ABLIM2: variants seen among roughly 807,000 people sequenced by gnomAD.
ABLIM2 encodes the protein actin binding LIM protein family member 2.
In ABLIM2, 53 loss-of-function variants were observed where a neutral mutation model predicts 97.7. The ratio of observed to expected loss-of-function variants is 0.54; its 90% CI spans 0.44 to 0.68. The LOEUF (loss-of-function observed/expected upper bound fraction) is 0.68. Among genes scored for constraint, ABLIM2 ranks in the 30% least tolerant of loss-of-function variants. The probability of loss-of-function intolerance (pLI) is 0.00; values close to 1 mark genes in which losing one functional copy is unlikely to be tolerated. For synonymous variants in ABLIM2, 361 were observed against 345.8 expected, an observed-to-expected ratio of 1.04 and a Z score of -0.49; for missense variants, 835 against 867.2, an observed-to-expected ratio of 0.96 and a Z score of 0.47.
chr4:8,117,807 A>G (rs747153783), intron 1 of ABLIM2, among the ~76,000 whole-genome samples: 2 of 152,218 alleles, frequency 1.3e-5, no homozygotes, highest in Non-Finnish European at 2.9e-5. Flanking sequence ...GTCCTGGCCA[A>G]TTCCCATGTG....
rs1413549201 is a variant in ABLIM2 at position 8,113,577 on chromosome 4, T to C, written c.11-6940A>G. Among the ~76,000 whole-genome samples the C allele has an allele frequency of 2.0e-5, 3 of 152,146 alleles. No individual in the cohort carries two copies. On this transcript the variant is annotated intron_variant, in intron 1 of 20. Coordinates refer to ENST00000447017, the MANE Select transcript of ABLIM2 (RefSeq NM_001130083.2). This position sits in a 1 kb window ranked among gnomAD's most constrained non-coding sequence, Gnocchi z 4.5. ...CATTTGCTCTGGAGGTAAATCCACC[T>C]TGAGAATGGGCAGGGGACCCCCTTG...
Position 8,128,628 on chromosome 4 carries a change from C to T in ABLIM2, c.11-21991G>A, listed in dbSNP as rs16841816. ...TTGCCCTGGCTCTAAGGCAGGAAAG[C>T]GATGAAGTCATTGTCTAGCCCAAGG... On this transcript the variant is annotated intron_variant, in intron 1 of 20. Coordinates refer to ENST00000447017, the MANE Select transcript of ABLIM2 (RefSeq NM_001130083.2). This position sits in a 1 kb window ranked among gnomAD's most constrained non-coding sequence, Gnocchi z 4.9. 0.053 allele frequency among the ~76,000 whole-genome samples: 8,006 copies of T among 152,290 alleles called. 676 individuals carry two copies. Among genetic ancestry groups the T allele is most frequent in the African/African-American group, 0.18 (7,441 of 41,536 alleles).
intron 20 of ABLIM2, among the ~76,000 whole-genome samples, chr4:7,972,247 C>A (rs1728726203): frequency 6.6e-6 from 1 of 152,190 alleles, no homozygotes; most frequent in Non-Finnish European, 1.5e-5. Flanking sequence ...GGGCCCTGCC[C>A]CTCCACAGCC....
intron 20 of ABLIM2, among the ~76,000 whole-genome samples, chr4:7,977,790 C>A (rs372891408): frequency 7.0e-6 from 1 of 142,206 alleles, no homozygotes. Flanking sequence ...GACTCTGTCT[C>A]AATAAATAAA....
chr4:8,044,009 C>T lies in ABLIM2; in HGVS notation c.900+1155G>A, dbSNP rs1790489990. ...CCACAGTGCCACTCACTCTCCAGGC[C>T]AGCAGTGCGTCATGGTAACTGAGGA... On this transcript the variant is annotated intron_variant, in intron 9 of 20. Transcript: ENST00000447017. The surrounding 1 kb of genome is among the most constrained non-coding windows in gnomAD (Gnocchi z 4.4). 6.6e-6 allele frequency among the ~76,000 whole-genome samples: 1 copy of T among 152,204 alleles called. No individual in the cohort carries two copies. Among genetic ancestry groups the T allele is most frequent in the Non-Finnish European group, 1.5e-5 (1 of 68,036 alleles).
At chr4:7,993,256 G>A (rs1750418771) in intron 16 of ABLIM2, among the ~76,000 whole-genome samples, 1 of 152,240 alleles carries the variant, frequency 6.6e-6, no homozygotes, top group Non-Finnish European at 1.5e-5. Context: ...TACAGACAGG[G>A]GAGCTGAGCA....
At chr4:8,040,834 G>A (rs114570209) in intron 9 of ABLIM2, among the ~76,000 whole-genome samples, 2,138 of 152,280 alleles carry the variant, frequency 0.014, 46 homozygotes, top group African/African-American at 0.047. Context: ...TGACCATGGT[G>A]CTTGGAGCAC....
At chr4:8,056,112 CAAAAA>C (rs60992903) in intron 7 of ABLIM2, among the ~76,000 whole-genome samples, 3 of 68,362 alleles carry the variant, frequency 4.4e-5, no homozygotes, top group Admixed American at 1.6e-4. Flanking sequence ...GACTCTGTCT[CAAAAA>C]AAAAAAAAAA....
chr4:8,013,368 G>A (rs761658098), intron 14 of ABLIM2, among the ~76,000 whole-genome samples: 1 of 151,864 alleles, frequency 6.6e-6, no homozygotes, highest in African/African-American at 2.4e-5. Flanking sequence ...GATTACAGGT[G>A]ACCACCACCA....
chr4:8,001,629 T>C lies in ABLIM2; in HGVS notation c.1618+6430A>G, dbSNP rs1003794912. 2.0e-5 allele frequency among the ~76,000 whole-genome samples: 3 copies of C among 151,906 alleles called. No individual in the cohort carries two copies. The highest frequency in any genetic ancestry group is 4.8e-5 in the African/African-American group (2 of 41,346). Reference sequence around the variant, plus strand: ...CAGGAGGCCAGGCCTTCCAGAAAGGTCATCACTGTGGCCCCAGCTGGCCAC... The same window carrying C: ...CAGGAGGCCAGGCCTTCCAGAAAGGCCATCACTGTGGCCCCAGCTGGCCAC... On this transcript the variant is annotated intron_variant, in intron 16 of 20. Transcript: ENST00000447017. This position sits in a 1 kb window ranked among gnomAD's most constrained non-coding sequence, Gnocchi z 4.2.
intron 20 of ABLIM2, among the ~76,000 whole-genome samples, chr4:7,973,155 A>C (rs1049995868): frequency 2.0e-4 from 30 of 148,270 alleles, no homozygotes; most frequent in African/African-American, 6.5e-4. Context: ...CAGGAAGAAT[A>C]AAGTGCATGT....
At chr4:8,036,348 G>A (rs1284035742) in intron 9 of ABLIM2, 53 bp from the exon 10 acceptor site, 2 of 1,593,474 alleles carry the variant, frequency 1.3e-6, no homozygotes, top group African/African-American at 1.3e-5. Context: ...GCACCCCAGA[G>A]GGCAGCACCC....
chr4:7,983,476 A>T, intron 19 of ABLIM2, 71 bp downstream of exon 19: 1 of 1,603,178 alleles, frequency 6.2e-7, no homozygotes, highest in South Asian at 1.1e-5. Context: ...GGTAAAGCAC[A>T]ACAGAAAGGA....
intron 3 of ABLIM2, among the ~76,000 whole-genome samples, chr4:8,096,291 G>C (rs147675327): frequency 6.6e-6 from 1 of 152,180 alleles, no homozygotes; most frequent in African/African-American, 2.4e-5. Flanking sequence ...ACTCCAATGC[G>C]ACCAGGGCTG....
At position 8,001,188 on chromosome 4, in the gene ABLIM2, G is replaced by C. The variant is rs1756931571; in HGVS notation, c.1618+6871C>G. ...TGCTGGTTCAGCTGGACTGGGGAGG[G>C]GAGGCAGAGCTTCCGGTGTCGGGGC... On this transcript the variant is annotated intron_variant, in intron 16 of 20. Transcript: ENST00000447017. This position sits in a 1 kb window ranked among gnomAD's most constrained non-coding sequence, Gnocchi z 4.2. Among the ~76,000 whole-genome samples the C allele has an allele frequency of 6.6e-6, 1 of 152,202 alleles. No individual in the cohort carries two copies.
Position 8,071,827 on chromosome 4 carries a change from C to T in ABLIM2, c.675+5801G>A, listed in dbSNP as rs1812405597. 2.0e-6 allele frequency: 2 copies of T among 985,434 alleles called. No homozygotes were observed. The highest frequency in any genetic ancestry group is 2.4e-6 in the Non-Finnish European group (2 of 829,968). 61.0% of individuals were successfully genotyped at this position (985,434 alleles called of 1,614,324 possible). A position where few individuals can be genotyped will look rare whatever the true frequency, so the allele number is the denominator to read the frequency against. On this transcript the variant is annotated intron_variant, in intron 6 of 20. Transcript: ENST00000447017. The surrounding 1 kb of genome is among the most constrained non-coding windows in gnomAD (Gnocchi z 6.2). ...ACGGCCCTGCTTGAGTGCCGTGCTCCCTGGAACGTGTGCCTGCGAGGGTGG... is the reference window on the plus strand; with the variant it reads ...ACGGCCCTGCTTGAGTGCCGTGCTCTCTGGAACGTGTGCCTGCGAGGGTGG...
intron 3 of ABLIM2, among the ~76,000 whole-genome samples, chr4:8,090,715 ATT>A (rs776127696): frequency 1.0e-4 from 15 of 144,596 alleles, no homozygotes; most frequent in African/African-American, 3.6e-4. Flanking sequence ...CTTTTTTTTT[ATT>A]TTTATTTTTT....
rs971683689 is a variant in ABLIM2, at chr4:8,005,225, G to A, written c.1618+2834C>T. On this transcript the variant is annotated intron_variant, in intron 16 of 20. Coordinates refer to ENST00000447017, the MANE Select transcript of ABLIM2 (RefSeq NM_001130083.2). The surrounding 1 kb of genome is among the most constrained non-coding windows in gnomAD (Gnocchi z 4.9). Reference sequence around the variant, plus strand: ...TCTGTCGGCGTCTCTGCCTCTCTCAGCTCCCTGCACGCTTCTCCAGGTCAG... The same window carrying A: ...TCTGTCGGCGTCTCTGCCTCTCTCAACTCCCTGCACGCTTCTCCAGGTCAG... 2.3e-5 allele frequency: 11 copies of A among 483,274 alleles called. No individual in the cohort carries two copies. Among genetic ancestry groups the A allele is most frequent in the Non-Finnish European group, 4.3e-5 (10 of 231,270 alleles). The allele number at this position is 483,274 out of a possible 1,614,324, so 29.9% of individuals were successfully genotyped here. A position where few individuals can be genotyped will look rare whatever the true frequency, so the allele number is the denominator to read the frequency against.
rs1782415524 is a variant in ABLIM2, at chr4:8,033,662, G to A, written c.1047+2487C>T. 6.6e-6 allele frequency among the ~76,000 whole-genome samples: 1 copy of A among 152,226 alleles called. No homozygotes were observed. Among genetic ancestry groups the A allele is most frequent in the Non-Finnish European group, 1.5e-5 (1 of 68,030 alleles). On this transcript the variant is annotated intron_variant, in intron 10 of 20. Transcript: ENST00000447017. The surrounding 1 kb of genome is among the most constrained non-coding windows in gnomAD (Gnocchi z 4.5). ...CCCAGAGGGAGGGGGTGACTCCCGA[G>A]CCACAGTCCCTCCCTTCCTGCCCCT...
Sources: gnomAD v4.1 joint callset for allele counts (sites outside exome capture counted in the v4.1 genomes callset) on GRCh38, gnomAD v4.1.1 for gene constraint, Gnocchi (gnomAD v3.1) non-coding constraint, MANE v1.5 for transcripts, NCBI Gene and HGNC (gene_info 2026-07-23, HGNC 2026-07-21) for gene names.